MDGA2: variants seen among roughly 807,000 people sequenced by gnomAD.
MDGA2 encodes MAM domain-containing glycosylphosphatidylinositol anchor protein 2.
MDGA2 carries 40 observed loss-of-function variants against 117.8 expected under a neutral mutation model. The ratio of observed to expected loss-of-function variants is 0.34; its 90% CI spans 0.26 to 0.44. The LOEUF is 0.44. Among genes scored for constraint, MDGA2 ranks in the 20% least tolerant of loss-of-function variants. The probability of loss-of-function intolerance (pLI) is 1.00; values close to 1 mark genes in which losing one functional copy is unlikely to be tolerated. For missense variants in MDGA2, 1,123 were observed against 1,250.6 expected (o/e 0.90, Z 1.54); for synonymous variants, 452 against 439.0 (o/e 1.03, Z -0.37).
At chr14:47,249,263 C>A (rs150276367) in intron 2 of MDGA2, among the ~76,000 whole-genome samples, 1 of 151,898 alleles carries the variant, frequency 6.6e-6, no homozygotes, top group Admixed American at 6.6e-5. Context: ...GTGATCTGCC[C>A]GCCTCAGCCT....
intron 5 of MDGA2, among the ~76,000 whole-genome samples, chr14:47,127,156 C>T (rs1425712218): frequency 2.6e-5 from 4 of 152,112 alleles, no homozygotes; most frequent in African/African-American, 4.8e-5. Flanking sequence ...TTTTCCTTGA[C>T]ATTTTGCAAA....
At chr14:47,005,402 G>A (rs188897411) in intron 8 of MDGA2, among the ~76,000 whole-genome samples, 1 of 151,438 alleles carries the variant, frequency 6.6e-6, no homozygotes, top group Non-Finnish European at 1.5e-5. Context: ...TTAACATGAT[G>A]AATTATATTG....
At chr14:47,168,170 C>A (rs1003156641) in intron 3 of MDGA2, among the ~76,000 whole-genome samples, 1 of 150,858 alleles carries the variant, frequency 6.6e-6, no homozygotes, top group Non-Finnish European at 1.5e-5. Context: ...TTTGCTTTTC[C>A]TCTTATGGAG....
intron 3 of MDGA2, among the ~76,000 whole-genome samples, chr14:47,154,923 T>C (rs189601677): frequency 2.6e-5 from 4 of 152,310 alleles, no homozygotes; most frequent in South Asian, 4.1e-4. Flanking sequence ...TGAGAACTTA[T>C]GGTGCTTTTT....
At chr14:47,226,814 A>G (rs1886519759) in intron 2 of MDGA2, among the ~76,000 whole-genome samples, 1 of 152,116 alleles carries the variant, frequency 6.6e-6, no homozygotes, top group South Asian at 2.1e-4. Context: ...TAATGCCACA[A>G]CAAGCTTAGA....
intron 5 of MDGA2, among the ~76,000 whole-genome samples, chr14:47,130,185 G>A (rs973477545): frequency 6.3e-4 from 96 of 152,032 alleles, no homozygotes; most frequent in African/African-American, 2.2e-3. Context: ...TGTCCTGAAT[G>A]GTAATGCCTA....
intron 1 of MDGA2, among the ~76,000 whole-genome samples, chr14:47,537,500 C>G (rs1895239728): frequency 7.9e-6 from 1 of 126,286 alleles, no homozygotes; most frequent in African/African-American, 2.9e-5. Context: ...AAGAAAGATG[C>G]TACTATGCAG....
chr14:46,924,885 G>A (rs1017971569), intron 9 of MDGA2, among the ~76,000 whole-genome samples: 3 of 152,266 alleles, frequency 2.0e-5, no homozygotes, highest in Non-Finnish European at 4.4e-5. Flanking sequence ...TTTAATAAGA[G>A]TTTGGGGAGA....
intron 1 of MDGA2, among the ~76,000 whole-genome samples, chr14:47,420,158 A>T (rs1892550268): frequency 6.6e-6 from 1 of 152,176 alleles, no homozygotes; most frequent in South Asian, 2.1e-4. Context: ...TTTTTAGCTA[A>T]TTAAAAAAAT....
At chr14:47,504,719 A>G (rs970575792) in intron 1 of MDGA2, among the ~76,000 whole-genome samples, 13 of 152,180 alleles carry the variant, frequency 8.5e-5, no homozygotes, top group Middle Eastern at 3.2e-3. Flanking sequence ...AAAAGGGAAC[A>G]CTAACAAACT....
chr14:46,935,226 C>T (rs1016420979), intron 9 of MDGA2, among the ~76,000 whole-genome samples: 2 of 152,066 alleles, frequency 1.3e-5, no homozygotes, highest in South Asian at 2.1e-4. Flanking sequence ...TTCCTGAGAT[C>T]AGCACAAATC....
chr14:47,468,128 G>A (rs540987744), intron 1 of MDGA2, among the ~76,000 whole-genome samples: 238 of 152,222 alleles, frequency 1.6e-3, no homozygotes, highest in Non-Finnish European at 2.6e-3. Flanking sequence ...TCAGTACAGT[G>A]TTGCAATCCT....
intron 2 of MDGA2, among the ~76,000 whole-genome samples, chr14:47,293,796 G>C (rs948903319): frequency 2.0e-5 from 3 of 152,090 alleles, no homozygotes; most frequent in African/African-American, 7.2e-5. Flanking sequence ...CTTTTCTTGA[G>C]AATTTTAATA....
chr14:47,065,397 C>T (rs1019830032), intron 6 of MDGA2, among the ~76,000 whole-genome samples: 6 of 152,038 alleles, frequency 3.9e-5, no homozygotes, highest in Non-Finnish European at 8.8e-5. Context: ...GGGTTTGTTG[C>T]TCACCTTCCC....
chr14:47,010,600 T>G (rs530764769), intron 8 of MDGA2, among the ~76,000 whole-genome samples: 2 of 152,126 alleles, frequency 1.3e-5, no homozygotes, highest in African/African-American at 4.8e-5. Context: ...TGGGAACATT[T>G]AGGGGAGTCA....
intron 10 of MDGA2, among the ~76,000 whole-genome samples, chr14:46,895,583 G>A: frequency 6.6e-6 from 1 of 151,956 alleles, no homozygotes; most frequent in Admixed American, 6.6e-5. Flanking sequence ...AAAATTAGCT[G>A]GGCGTGGTGG....
chr14:47,326,317 A>G (rs943022683), intron 1 of MDGA2, among the ~76,000 whole-genome samples: 2 of 152,140 alleles, frequency 1.3e-5, no homozygotes, highest in Admixed American at 6.6e-5. Flanking sequence ...ACTCATACCA[A>G]TTTAATCCAA....
chr14:47,533,877 AT>A (rs1228095500), intron 1 of MDGA2, among the ~76,000 whole-genome samples: 1 of 152,180 alleles, frequency 6.6e-6, no homozygotes, highest in Non-Finnish European at 1.5e-5. Context: ...TTATATTGTT[AT>A]TTGATTAGTA....
At chr14:47,039,924 C>T (rs1465649997) in intron 7 of MDGA2, among the ~76,000 whole-genome samples, 1 of 152,074 alleles carries the variant, frequency 6.6e-6, no homozygotes, top group Non-Finnish European at 1.5e-5. Context: ...CACACACACA[C>T]ACACAAGTAA....
Sources: gnomAD v4.1 joint callset for allele counts (sites outside exome capture counted in the v4.1 genomes callset) on GRCh38, gnomAD v4.1.1 for gene constraint, MANE v1.5 for transcripts, NCBI Gene and HGNC (gene_info 2026-07-23, HGNC 2026-07-21) for gene names.